SPECC1: variants seen among roughly 807,000 people sequenced by gnomAD.
SPECC1 encodes cytospin-B.
Under a neutral mutation model 104.1 loss-of-function variants are expected in SPECC1, and 62 were observed. The observed-to-expected ratio is 0.60, with a 90% CI of 0.49 to 0.74. The LOEUF is 0.74. Ranked by LOEUF, SPECC1 falls within the 30% of genes least tolerant of loss-of-function variation. The pLI, the probability that SPECC1 is intolerant of heterozygous loss-of-function variation, is 0.00. For synonymous variants in SPECC1, 513 were observed against 501.6 expected, an observed-to-expected ratio of 1.02 and a Z score of -0.30; for missense variants, 1,306 against 1,310.5, an observed-to-expected ratio of 1.00 and a Z score of 0.05.
At chr17:20,072,489 G>C (rs534530975) in intron 1 of SPECC1, among the ~76,000 whole-genome samples, 25 of 152,326 alleles carry the variant, frequency 1.6e-4, no homozygotes, top group Admixed American at 9.8e-4. Flanking sequence ...TCCTCAGTAA[G>C]AGCAGGTTCA....
At chr17:20,311,489 C>G (rs1287440710) in intron 14 of SPECC1, among the ~76,000 whole-genome samples, 3 of 151,980 alleles carry the variant, frequency 2.0e-5, no homozygotes, top group African/African-American at 7.3e-5. Context: ...CTCCTGGGTT[C>G]AAGTGATTCT....
At chr17:20,285,022 G>A (rs1055497809) in intron 12 of SPECC1, among the ~76,000 whole-genome samples, 2 of 152,220 alleles carry the variant, frequency 1.3e-5, no homozygotes, top group African/African-American at 4.8e-5. Flanking sequence ...TGGGAATGCA[G>A]CCACGGAATC....
intron 10 of SPECC1, 102 bp from the exon 11 acceptor site, chr17:20,257,349 C>T (rs1281484448): frequency 1.6e-5 from 22 of 1,342,272 alleles, no homozygotes; most frequent in Middle Eastern, 1.9e-4. Flanking sequence ...TATGTTTGCA[C>T]TTGAGGATAA....
intron 1 of SPECC1, among the ~76,000 whole-genome samples, chr17:20,072,535 T>C (rs2046595085): frequency 6.6e-6 from 1 of 152,216 alleles, no homozygotes; most frequent in Admixed American, 6.5e-5. Context: ...AAGGCAAAGC[T>C]GGATGGCCAT....
intron 3 of SPECC1, among the ~76,000 whole-genome samples, chr17:20,119,870 A>G (rs1273403851): frequency 6.6e-6 from 1 of 152,254 alleles, no homozygotes; most frequent in African/African-American, 2.4e-5. Flanking sequence ...CAAAAATTCA[A>G]AATCCCAAAT....
rs564097528 is a variant in SPECC1, at chr17:20,030,902, T to G, written c.-22+21478T>G. 1.1e-4 allele frequency among the ~76,000 whole-genome samples: 16 copies of G among 152,370 alleles called. No individual in the cohort carries two copies. The South Asian group carries it at 3.3e-3, about 32-fold the overall frequency. ...ATCATTAAACATTTTTTGAAAAGTT[T>G]TGTGCTCTCATGAGCCTTGGTCCTG... On this transcript the variant is annotated intron_variant, in intron 1 of 14. Transcript: ENST00000395527.
intron 1 of SPECC1, among the ~76,000 whole-genome samples, chr17:20,081,697 A>G (rs2046981055): frequency 2.0e-5 from 3 of 152,082 alleles, no homozygotes; most frequent in Admixed American, 2.0e-4. Flanking sequence ...TCTGTCCGGA[A>G]TGTAGAGCCC....
chr17:20,074,016 G>A (rs1345884729), intron 1 of SPECC1, among the ~76,000 whole-genome samples: 1 of 152,194 alleles, frequency 6.6e-6, no homozygotes, highest in East Asian at 1.9e-4. Context: ...AAGTTCTTTA[G>A]AAAAGAAGCC....
At chr17:20,156,008 G>C (rs547804228) in intron 3 of SPECC1, 19 of 1,285,976 alleles carry the variant, frequency 1.5e-5, no homozygotes, top group Non-Finnish European at 1.9e-5. Context: ...GAGGGGGCGG[G>C]GCCCACGGGC....
chr17:20,123,199 C>G (rs907979272), intron 3 of SPECC1, among the ~76,000 whole-genome samples: 7 of 152,184 alleles, frequency 4.6e-5, no homozygotes, highest in African/African-American at 1.4e-4. Flanking sequence ...TTTAAAACCA[C>G]GAGACATGGA....
At chr17:20,198,867 C>G (rs966335281) in intron 3 of SPECC1, among the ~76,000 whole-genome samples, 1 of 152,160 alleles carries the variant, frequency 6.6e-6, no homozygotes, top group Admixed American at 6.5e-5. Flanking sequence ...TGGAACACAT[C>G]CTCAAATAAC....
intron 3 of SPECC1, chr17:20,112,754 G>T: frequency 1.0e-5 from 13 of 1,248,482 alleles, no homozygotes; most frequent in Non-Finnish European, 1.3e-5. Flanking sequence ...TAACCTGAAA[G>T]GTGTGGATAT....
chr17:20,155,970 G>T (rs2032442865), intron 3 of SPECC1: 1 of 1,261,726 alleles, frequency 7.9e-7, no homozygotes, highest in Non-Finnish European at 1.0e-6. Flanking sequence ...TGAAGGGGGC[G>T]GGCCGCGAGG....
chr17:20,253,702 G>A lies in SPECC1; in HGVS notation c.2680+116G>A. ...ATAATCAGTGGCATTTCTTGCAAGTGATTTCAACCCCGAATAATGTACATA... is the reference window on the plus strand; with the variant it reads ...ATAATCAGTGGCATTTCTTGCAAGTAATTTCAACCCCGAATAATGTACATA... On this transcript the variant is annotated intron_variant, in intron 10 of 14. Coordinates refer to ENST00000395527, the MANE Select transcript of SPECC1 (RefSeq NM_001243439.2). 3.2e-6 allele frequency: 3 copies of A among 951,162 alleles called. No homozygotes were observed. The Admixed American group carries it at 6.5e-5, about 21-fold the overall frequency. The allele number at this position is 951,162 out of a possible 1,614,324, so 58.9% of individuals were successfully genotyped here.
At chr17:20,031,796 G>A (rs2044825507) in intron 1 of SPECC1, among the ~76,000 whole-genome samples, 1 of 152,148 alleles carries the variant, frequency 6.6e-6, no homozygotes, top group Non-Finnish European at 1.5e-5. Flanking sequence ...TTAGCATAGT[G>A]TTCTCAAGGT....
chr17:20,142,516 C>CTA (rs1338530754), intron 3 of SPECC1, among the ~76,000 whole-genome samples: 4 of 152,160 alleles, frequency 2.6e-5, no homozygotes, highest in Admixed American at 6.6e-5. Flanking sequence ...CTGACACGTG[C>CTA]TACAGCATGT....
At chr17:20,085,566 G>T (rs371654577) in intron 1 of SPECC1, among the ~76,000 whole-genome samples, 20 of 152,342 alleles carry the variant, frequency 1.3e-4, no homozygotes, top group African/African-American at 4.6e-4. Flanking sequence ...AGCGATTGAT[G>T]CTGACGAAGG....
intron 3 of SPECC1, chr17:20,155,989 G>T: frequency 7.9e-7 from 1 of 1,272,956 alleles, no homozygotes; most frequent in Non-Finnish European, 9.9e-7. Flanking sequence ...GGGCGGGCTT[G>T]ATGCAGATGA....
chr17:20,262,903 G>T (rs570785440), intron 12 of SPECC1, among the ~76,000 whole-genome samples: 2 of 152,158 alleles, frequency 1.3e-5, no homozygotes, highest in South Asian at 4.2e-4. Flanking sequence ...GCAGCACTTT[G>T]AGAGGCCGAG....
Sources: gnomAD v4.1 joint callset for allele counts (sites outside exome capture counted in the v4.1 genomes callset) on GRCh38, gnomAD v4.1.1 for gene constraint, MANE v1.5 for transcripts, NCBI Gene and HGNC (gene_info 2026-07-23, HGNC 2026-07-21) for gene names.